ARMH3: variants seen among roughly 807,000 people sequenced by gnomAD.
ARMH3 encodes the protein armadillo-like helical domain-containing protein 3.
Under a neutral mutation model 99.1 loss-of-function variants are expected in ARMH3, and 60 were observed. The observed-to-expected ratio is 0.61, with a 90% CI of 0.49 to 0.75. The LOEUF (loss-of-function observed/expected upper bound fraction) is 0.75, where lower values mean the gene tolerates loss of function less well. ARMH3 is among the 30% of genes least tolerant of loss of function. The pLI is 0.00. For synonymous variants in ARMH3, 285 were observed against 292.8 expected, an observed-to-expected ratio of 0.97 and a Z score of 0.27; for missense variants, 679 against 843.1, an observed-to-expected ratio of 0.81 and a Z score of 2.41.
At chr10:101,926,812 A>T (rs1843524270) in intron 23 of ARMH3, among the ~76,000 whole-genome samples, 1 of 152,194 alleles carries the variant, frequency 6.6e-6, no homozygotes, top group Non-Finnish European at 1.5e-5. Context: ...TGGAATTAAT[A>T]ATAATTAGGG....
chr10:101,851,735 T>G (rs1353863907), intron 24 of ARMH3, among the ~76,000 whole-genome samples: 1 of 152,210 alleles, frequency 6.6e-6, no homozygotes, highest in African/African-American at 2.4e-5. Flanking sequence ...GAGTTCGGTT[T>G]GGGAGGGAAG....
chr10:101,856,651 T>G (rs1316436447), intron 24 of ARMH3, among the ~76,000 whole-genome samples: 1 of 152,218 alleles, frequency 6.6e-6, no homozygotes, highest in Non-Finnish European at 1.5e-5. Context: ...AGGCTTTTTA[T>G]AGGATTTTCA....
chr10:102,011,142 T>C (rs2066620483), intron 11 of ARMH3, among the ~76,000 whole-genome samples: 1 of 152,132 alleles, frequency 6.6e-6, no homozygotes. Flanking sequence ...AACCTTGCCC[T>C]GGAGTCTTGC....
chr10:102,056,094 G>A lies in ARMH3; in HGVS notation c.-21C>T, dbSNP rs939676811. 14 of 152,472 alleles carry A rather than the reference G, an allele frequency of 9.2e-5. No homozygotes were observed. The highest frequency in any genetic ancestry group is 3.1e-4 in the African/African-American group (13 of 41,564). The allele number at this position is 152,472 out of a possible 1,614,324, so 9.4% of individuals were successfully genotyped here. A position where few individuals can be genotyped will look rare whatever the true frequency, so the allele number is the denominator to read the frequency against. ...GGCCGCCGCCGCTTACCGAGCCCGCGGCTCCTCCTCTACCACCCGCGCCGT... is the reference window on the plus strand; with the variant it reads ...GGCCGCCGCCGCTTACCGAGCCCGCAGCTCCTCCTCTACCACCCGCGCCGT... On this transcript the variant is annotated 5_prime_UTR_variant, in exon 1 of 26. Coordinates refer to ENST00000370033, the MANE Select transcript of ARMH3 (RefSeq NM_024541.3).
rs35605193 is a variant in ARMH3, at chr10:101,988,922, CAAAAA to C, written c.1406+1624_1406+1628del. Among the ~76,000 whole-genome samples the C allele has an allele frequency of 3.7e-4, 21 of 56,580 alleles. 1 individual carries two copies. Among genetic ancestry groups the C allele is most frequent in the Admixed American group, 1.4e-3 (7 of 4,924 alleles). The allele number at this position is 56,580 out of a possible 152,430, so 37.1% of individuals were successfully genotyped here. ...TAGGCAACAGAATAAGACTCTGTCT[CAAAAA>C]AAAAAAAAAAAAAAAAAAGCAAGCT... is the stretch of plus-strand genomic sequence containing the variant. On this transcript the variant is annotated intron_variant, in intron 19 of 25. Transcript: ENST00000370033.
At chr10:101,953,949 T>C (rs1238787930) in intron 22 of ARMH3, among the ~76,000 whole-genome samples, 1 of 152,166 alleles carries the variant, frequency 6.6e-6, no homozygotes, top group East Asian at 1.9e-4. Context: ...CTCAACACTT[T>C]GGGAGGCCGA....
At chr10:101,880,975 G>C (rs1278714002) in intron 24 of ARMH3, among the ~76,000 whole-genome samples, 1 of 152,258 alleles carries the variant, frequency 6.6e-6, no homozygotes, top group East Asian at 1.9e-4. Context: ...AGACAAAAAT[G>C]GTTTAGCAAG....
At position 101,939,876 on chromosome 10, in the gene ARMH3, A is replaced by G. The variant is rs1244877398; in HGVS notation, c.1768T>C (p.Leu590=). Reference sequence around the variant, plus strand: ...CTCATTCCTTACCTGATATTAACCAATGCATGGGTCACCTTGCTAGCTGCT... The same window carrying G: ...CTCATTCCTTACCTGATATTAACCAGTGCATGGGTCACCTTGCTAGCTGCT... ...KEAASKVTHA[L]VNIRAIINHF... The change falls in exon 23 of 26, where the codon TTG becomes CTG. Residue 590 remains leucine (L), a synonymous_variant. Coordinates refer to ENST00000370033, the MANE Select transcript of ARMH3 (RefSeq NM_024541.3). 3 of 1,613,732 alleles carry G rather than the reference A, an allele frequency of 1.9e-6. No individual in the cohort carries two copies. The highest frequency in any genetic ancestry group is 3.3e-5 in the Admixed American group (2 of 60,016).
chr10:102,005,728 A>G lies in ARMH3; in HGVS notation c.1048+812T>C, dbSNP rs566568702. 1.5e-4 allele frequency among the ~76,000 whole-genome samples: 23 copies of G among 152,374 alleles called. No homozygotes were observed. The East Asian group carries it at 3.9e-3, about 26-fold the overall frequency. ...ATATTCCACCAAACACACTCAGCCT[A>G]TAATAGACCTCAAAATTTTTGGCAA... On this transcript the variant is annotated intron_variant, in intron 14 of 25. Transcript: ENST00000370033.
At chr10:101,881,476 C>T (rs1246339659) in intron 24 of ARMH3, among the ~76,000 whole-genome samples, 1 of 151,956 alleles carries the variant, frequency 6.6e-6, no homozygotes, top group Non-Finnish European at 1.5e-5. Flanking sequence ...ATCTGTGGCA[C>T]AACAATGGAC....
chr10:101,875,517 TC>T (rs2067239894), intron 24 of ARMH3, among the ~76,000 whole-genome samples: 1 of 152,220 alleles, frequency 6.6e-6, no homozygotes, highest in Admixed American at 6.5e-5. Context: ...GAAGGTTTTT[TC>T]CCCCCTTTCT....
At chr10:102,025,295 C>T (rs1249766922) in intron 5 of ARMH3, 47 bp from the exon 6 acceptor site, 1 of 1,483,834 alleles carries the variant, frequency 6.7e-7, no homozygotes, top group Non-Finnish European at 9.4e-7. Flanking sequence ...GATAACACCC[C>T]ACCTTTGTCT....
chr10:101,929,202 C>A (rs1292303001), intron 23 of ARMH3, among the ~76,000 whole-genome samples: 1 of 152,158 alleles, frequency 6.6e-6, no homozygotes, highest in East Asian at 1.9e-4. Flanking sequence ...ATTCCTGTTA[C>A]TTTTGTACTT....
intron 20 of ARMH3, among the ~76,000 whole-genome samples, chr10:101,972,066 T>C (rs955314866): frequency 1.1e-4 from 17 of 152,148 alleles, no homozygotes; most frequent in Non-Finnish European, 1.9e-4. Flanking sequence ...AAACAGACAG[T>C]GGCAGCAGGG....
intron 24 of ARMH3, among the ~76,000 whole-genome samples, chr10:101,875,327 T>C (rs1047134048): frequency 6.6e-6 from 1 of 151,902 alleles, no homozygotes; most frequent in African/African-American, 2.4e-5. Flanking sequence ...CTCCACTGGG[T>C]GCTTATAGTG....
Position 101,881,432 on chromosome 10 carries a change from T to C in ARMH3, c.1860+7980A>G, listed in dbSNP as rs150194302. Among the ~76,000 whole-genome samples, 799 of 152,236 alleles carry C rather than the reference T, an allele frequency of 5.2e-3. 13 individuals carry two copies. Among genetic ancestry groups the C allele is most frequent in the South Asian group, 0.012 (59 of 4,826 alleles). ...AGGGCAGCTGAGGGTTGGGGGGAAGTTGTTCAATTCTGCAAGATGAAAAAG... is the reference window on the plus strand; with the variant it reads ...AGGGCAGCTGAGGGTTGGGGGGAAGCTGTTCAATTCTGCAAGATGAAAAAG... On this transcript the variant is annotated intron_variant, in intron 24 of 25. Coordinates refer to ENST00000370033, the MANE Select transcript of ARMH3 (RefSeq NM_024541.3).
intron 22 of ARMH3, among the ~76,000 whole-genome samples, chr10:101,951,912 G>A (rs1365366269): frequency 6.9e-6 from 1 of 145,084 alleles, no homozygotes; most frequent in Non-Finnish European, 1.5e-5. Flanking sequence ...AGGGAGGGAG[G>A]GAAGGAGGGA....
intron 23 of ARMH3, among the ~76,000 whole-genome samples, chr10:101,899,659 T>G (rs1039347932): frequency 6.6e-6 from 1 of 152,116 alleles, no homozygotes; most frequent in African/African-American, 2.4e-5. Flanking sequence ...AAATAAAACC[T>G]CAAGTAAGAA....
chr10:101,964,224 G>A (rs1483476214), intron 20 of ARMH3, among the ~76,000 whole-genome samples: 1 of 152,036 alleles, frequency 6.6e-6, no homozygotes, highest in Non-Finnish European at 1.5e-5. Context: ...TGGCCAGGCT[G>A]GTCTCAAACT....
Sources: gnomAD v4.1 joint callset for allele counts (sites outside exome capture counted in the v4.1 genomes callset) on GRCh38, gnomAD v4.1.1 for gene constraint, MANE v1.5 for transcripts, NCBI Gene and HGNC (gene_info 2026-07-23, HGNC 2026-07-21) for gene names.